SERTM2: variants seen among roughly 807,000 people sequenced by gnomAD.
The protein encoded by SERTM2 is serine-rich and transmembrane domain-containing protein 2.
At position 111,518,582 on chromosome X, in the gene SERTM2, A is replaced by G. The variant is rs1930357415; in HGVS notation, c.-276A>G. On this transcript the variant is annotated 5_prime_UTR_variant, in exon 3 of 3. In the 5' UTR this introduces an upstream ATG that the reference lacks. Coordinates refer to ENST00000569275, the MANE Select transcript of SERTM2 (RefSeq NM_001354473.2). ...GTATAAAAGTAGGAGTGTGGAAAAT[A>G]AAACATTACTTGTATTTTTAAAAAT... is the stretch of plus-strand genomic sequence containing the variant. The G allele has an allele frequency of 3.7e-6, 1 of 267,540 alleles. No homozygotes were observed. The highest frequency in any genetic ancestry group is 6.6e-6 in the Non-Finnish European group (1 of 152,302). The allele number at this position is 267,540 out of a possible 1,213,427, so 22.0% of individuals were successfully genotyped here. A position where few individuals can be genotyped will look rare whatever the true frequency, so the allele number is the denominator to read the frequency against.
At chrX:111,512,703 G>T (rs769269182) in intron 2 of SERTM2, among the ~76,000 whole-genome samples, 84 of 111,713 alleles carry the variant, frequency 7.5e-4, no homozygotes, top group African/African-American at 2.7e-3. Context: ...GGAGAACTTG[G>T]TTGCTCTTGC....
intron 2 of SERTM2, among the ~76,000 whole-genome samples, chrX:111,517,727 A>G (rs776778310): frequency 9.2e-6 from 1 of 109,095 alleles, no homozygotes; most frequent in Non-Finnish European, 1.9e-5. Flanking sequence ...TAAAGTCTGA[A>G]TCTCTAGAGT....
intron 2 of SERTM2, among the ~76,000 whole-genome samples, chrX:111,517,295 T>C (rs752901917): frequency 9.0e-6 from 1 of 111,706 alleles, no homozygotes; most frequent in East Asian, 2.8e-4. Context: ...GATCTGGAGA[T>C]TGAAAAACAA....
intron 2 of SERTM2, among the ~76,000 whole-genome samples, chrX:111,517,522 T>C (rs1203084851): frequency 9.0e-6 from 1 of 111,380 alleles, no homozygotes; most frequent in Admixed American, 9.5e-5. Flanking sequence ...TCTGAGCAAA[T>C]AAATGCATCC....
chrX:111,516,623 ATAT>A (rs1930315552), intron 2 of SERTM2, among the ~76,000 whole-genome samples: 1 of 110,760 alleles, frequency 9.0e-6, no homozygotes, highest in Non-Finnish European at 1.9e-5. Context: ...TAGTGGAAAG[ATAT>A]TATATATCTC....
At chrX:111,517,164 G>A (rs1337436732) in intron 2 of SERTM2, among the ~76,000 whole-genome samples, 1 of 110,978 alleles carries the variant, frequency 9.0e-6, no homozygotes, top group Non-Finnish European at 1.9e-5. Flanking sequence ...AACTATTGGG[G>A]GGAAATGTCT....
rs1930380544 is a variant in SERTM2 at position 111,519,703 on chromosome X, T to A, written c.*573T>A. Reference sequence around the variant, plus strand: ...TGAAAGAAGAGATTTAAAGAAACTGTTTCAGTTTAGAGAGCAAGTTTTCAG... The same window carrying A: ...TGAAAGAAGAGATTTAAAGAAACTGATTCAGTTTAGAGAGCAAGTTTTCAG... On this transcript the variant is annotated 3_prime_UTR_variant, in exon 3 of 3. Coordinates refer to ENST00000569275, the MANE Select transcript of SERTM2 (RefSeq NM_001354473.2). 8.9e-6 allele frequency: 1 copy of A among 111,924 alleles called. No homozygotes were observed. The allele number at this position is 111,924 out of a possible 1,213,427, so 9.2% of individuals were successfully genotyped here. A position where few individuals can be genotyped will look rare whatever the true frequency, so the allele number is the denominator to read the frequency against.
rs1472064310 is a variant in SERTM2, at chrX:111,520,276, G to A, written c.*1146G>A. The A allele has an allele frequency of 9.0e-6, 1 of 111,654 alleles. No homozygotes were observed. Among genetic ancestry groups the A allele is most frequent in the Non-Finnish European group, 1.9e-5 (1 of 53,115 alleles). 9.2% of individuals were successfully genotyped at this position (111,654 alleles called of 1,213,427 possible). ...CATAAGTAGCCCTAGTATGCCAGTAGTGTGGAGAGAATTTAATTTTTAAAA... is the reference window on the plus strand; with the variant it reads ...CATAAGTAGCCCTAGTATGCCAGTAATGTGGAGAGAATTTAATTTTTAAAA... On this transcript the variant is annotated 3_prime_UTR_variant, in exon 3 of 3. Transcript: ENST00000569275.
At chrX:111,512,934 C>T (rs2147488145) in intron 2 of SERTM2, among the ~76,000 whole-genome samples, 1 of 111,342 alleles carries the variant, frequency 9.0e-6, no homozygotes. Flanking sequence ...TTTTATTTAC[C>T]AAATTAATGA....
chrX:111,516,545 T>C (rs1045620878), intron 2 of SERTM2, among the ~76,000 whole-genome samples: 7 of 111,027 alleles, frequency 6.3e-5, no homozygotes, highest in Admixed American at 9.6e-5. Context: ...TGATCCCAGC[T>C]AATCAAATAT....
At position 111,514,834 on chromosome X, in the gene SERTM2, G is replaced by A. The variant is rs141028962; in HGVS notation, c.-784+2740G>A. The stretch of plus-strand genomic sequence containing the variant: ...AGCAAGTTGAAGATTACACAGTTTG[G>A]TATATTTTTTATAAAGTTCAAAACA... On this transcript the variant is annotated intron_variant, in intron 2 of 2. Transcript: ENST00000569275. Among the ~76,000 whole-genome samples the A allele has an allele frequency of 6.2e-3, 684 of 110,918 alleles. 4 individuals are homozygous for A. The highest frequency in any genetic ancestry group is 0.02 in the African/African-American group (627 of 30,610).
Position 111,519,986 on chromosome X carries a change from G to C in SERTM2, c.*856G>C, listed in dbSNP as rs1230049937. On this transcript the variant is annotated 3_prime_UTR_variant, in exon 3 of 3. Coordinates refer to ENST00000569275, the MANE Select transcript of SERTM2 (RefSeq NM_001354473.2). ...TGGACAAAACATTCAAGCCTTCTGA[G>C]TCCCAGGGTTTTTGTGCTGAAAAAT... The C allele has an allele frequency of 1.8e-5, 2 of 111,280 alleles. No individual in the cohort carries two copies. Among genetic ancestry groups the C allele is most frequent in the Admixed American group, 1.9e-4 (2 of 10,386 alleles). 9.2% of individuals were successfully genotyped at this position (111,280 alleles called of 1,213,427 possible).
At position 111,521,672 on chromosome X, in the gene SERTM2, C is replaced by G. The variant is rs1216501803; in HGVS notation, c.*2542C>G. The G allele has an allele frequency of 9.2e-6, 1 of 108,804 alleles. No homozygotes were observed. 9.0% of individuals were successfully genotyped at this position (108,804 alleles called of 1,213,427 possible). Reference sequence around the variant, plus strand: ...GACTTGGATTGCCTTCCCCCACCCCCACTCCCTCCAAAATTGCACATTAGC... The same window carrying G: ...GACTTGGATTGCCTTCCCCCACCCCGACTCCCTCCAAAATTGCACATTAGC... On this transcript the variant is annotated 3_prime_UTR_variant, in exon 3 of 3. Coordinates refer to ENST00000569275, the MANE Select transcript of SERTM2 (RefSeq NM_001354473.2).
Position 111,521,886 on chromosome X carries a change from G to T in SERTM2, c.*2756G>T, listed in dbSNP as rs1930417932. 1 of 111,646 alleles carries T rather than the reference G, an allele frequency of 9.0e-6. No homozygotes were observed. The highest frequency in any genetic ancestry group is 3.7e-4 in the South Asian group (1 of 2,677). 9.2% of individuals were successfully genotyped at this position (111,646 alleles called of 1,213,427 possible). On this transcript the variant is annotated 3_prime_UTR_variant, in exon 3 of 3. Coordinates refer to ENST00000569275, the MANE Select transcript of SERTM2 (RefSeq NM_001354473.2). Reference sequence around the variant, plus strand: ...ACTCACCACATTAATTCTGTAAATAGTAAATTCTCCTAATATGTTTAAAAA... The same window carrying T: ...ACTCACCACATTAATTCTGTAAATATTAAATTCTCCTAATATGTTTAAAAA...
intron 2 of SERTM2, among the ~76,000 whole-genome samples, chrX:111,513,167 C>T (rs189865535): frequency 2.1e-4 from 23 of 108,813 alleles, no homozygotes; most frequent in African/African-American, 7.7e-4. Flanking sequence ...CTCATAATCA[C>T]TCATTTCCTG....
chrX:111,511,661 A>G lies in SERTM2; in HGVS notation c.-1054A>G, dbSNP rs1473246840. ...CGCTGAGACAGAGCAGAGCTGAATC[A>G]CTACCTTTCCCGCATACTCTAAACT... On this transcript the variant is annotated 5_prime_UTR_variant, in exon 1 of 3. Coordinates refer to ENST00000569275, the MANE Select transcript of SERTM2 (RefSeq NM_001354473.2). The G allele has an allele frequency of 1.6e-5, 2 of 125,235 alleles. No individual in the cohort carries two copies. The highest frequency in any genetic ancestry group is 6.4e-5 in the African/African-American group (2 of 31,432). The allele number at this position is 125,235 out of a possible 1,213,427, so 10.3% of individuals were successfully genotyped here.
intron 2 of SERTM2, among the ~76,000 whole-genome samples, chrX:111,515,789 C>A (rs368188556): frequency 4.4e-4 from 49 of 110,527 alleles, no homozygotes; most frequent in African/African-American, 1.6e-3. Context: ...AGATTCTAAT[C>A]TAAGAAAAAA....
At position 111,511,775 on chromosome X, in the gene SERTM2, A is replaced by G; in HGVS notation, c.-940A>G. 4.2e-6 allele frequency: 1 copy of G among 239,857 alleles called. No individual in the cohort carries two copies. The highest frequency in any genetic ancestry group is 7.5e-6 in the Non-Finnish European group (1 of 133,592). 19.8% of individuals were successfully genotyped at this position (239,857 alleles called of 1,213,427 possible). A position where few individuals can be genotyped will look rare whatever the true frequency, so the allele number is the denominator to read the frequency against. Reference sequence around the variant, plus strand: ...AGAGGGCACACACACATCCAAACAGACTTCTCTTTGCTTTTCAGAGCTTAT... The same window carrying G: ...AGAGGGCACACACACATCCAAACAGGCTTCTCTTTGCTTTTCAGAGCTTAT... On this transcript the variant is annotated 5_prime_UTR_variant, in exon 1 of 3. Transcript: ENST00000569275.
At chrX:111,515,495 G>A (rs1930294425) in intron 2 of SERTM2, among the ~76,000 whole-genome samples, 1 of 111,239 alleles carries the variant, frequency 9.0e-6, no homozygotes, top group Non-Finnish European at 1.9e-5. Context: ...GGGACTGTTA[G>A]AGTCCTGATT....
Sources: gnomAD v4.1 joint callset for allele counts (sites outside exome capture counted in the v4.1 genomes callset) on GRCh38, gnomAD v4.1.1 for gene constraint, MANE v1.5 for transcripts, NCBI Gene and HGNC (gene_info 2026-07-23, HGNC 2026-07-21) for gene names.